The following IFNG variants were observed in gnomAD, a reference collection of about 807,000 sequenced individuals.
IFNG encodes IFN-gamma.
A neutral mutation model predicts 14.4 loss-of-function variants in IFNG; 8 were observed. That is an observed-to-expected ratio of 0.56 (90% CI 0.33 to 1.00). IFNG has a LOEUF of 1.00. IFNG is among the 50% of genes least tolerant of loss of function. The probability of loss-of-function intolerance (pLI) is 0.03; values close to 1 mark genes in which losing one functional copy is unlikely to be tolerated. For missense variants in IFNG, 132 were observed against 194.9 expected (o/e 0.68, Z 1.92); for synonymous variants, 73 against 65.4 (o/e 1.12, Z -0.56).
At chr12:68,158,128 G>A in intron 2 of IFNG, 33 bp from the exon 3 acceptor site, 1 of 1,594,024 alleles carries the variant, frequency 6.3e-7, no homozygotes, top group Non-Finnish European at 8.6e-7. Context: ...AGAGGATGAT[G>A]TGAATTTATC....
At position 68,155,040 on chromosome 12, in the gene IFNG, C is replaced by T; in HGVS notation, c.*313G>A. On this transcript the variant is annotated 3_prime_UTR_variant, in exon 4 of 4. Transcript: ENST00000229135. Reference sequence around the variant, plus strand: ...CACTTATAAGTGTTCATTGTATCATCAAGTGAAATAAACACACAACCCATG... The same window carrying T: ...CACTTATAAGTGTTCATTGTATCATTAAGTGAAATAAACACACAACCCATG... 1 of 173,882 alleles carries T rather than the reference C, an allele frequency of 5.8e-6. No homozygotes were observed. Among genetic ancestry groups the T allele is most frequent in the Non-Finnish European group, 1.2e-5 (1 of 82,496 alleles). 10.8% of individuals were successfully genotyped at this position (173,882 alleles called of 1,614,324 possible).
In IFNG at chr12:68,155,235, G is replaced by T; in HGVS notation, c.*118C>A. 1 of 583,486 alleles carries T rather than the reference G, an allele frequency of 1.7e-6. No homozygotes were observed. Among genetic ancestry groups the T allele is most frequent in the Non-Finnish European group, 2.7e-6 (1 of 365,082 alleles). 36.1% of individuals were successfully genotyped at this position (583,486 alleles called of 1,614,324 possible). On this transcript the variant is annotated 3_prime_UTR_variant, in exon 4 of 4. Transcript: ENST00000229135. ...TATTCATTTTCATTACACAAAAGTTGCTATTATAAATACTTATTTGATTGA... is the reference window on the plus strand; with the variant it reads ...TATTCATTTTCATTACACAAAAGTTTCTATTATAAATACTTATTTGATTGA...
rs1426401337 is a variant in IFNG at position 68,158,200 on chromosome 12, A to G, written c.174T>C (p.Asn58=). Residue 58 remains asparagine (N), a synonymous_variant, in exon 2 of 4, where the codon AAT becomes AAC. Coordinates refer to ENST00000229135, the MANE Select transcript of IFNG (RefSeq NM_000619.3). ...NGTLFLGILK[N]WKEESDRKIM... ...GGAATATTCAGCTTACCTCTTTCCA[A>G]TTCTTCAAAATGCCTAAGAAAAGAG... The G allele has an allele frequency of 1.2e-6, 2 of 1,610,076 alleles. No homozygotes were observed.
rs533767524 is a variant in IFNG, at chr12:68,156,776, C to T, written c.366+1137G>A. ...GACTTATCCAGGACTGAACAGTAAG[C>T]CAGGGGCACCACTGGATTAGAAACA... is the stretch of plus-strand genomic sequence containing the variant. On this transcript the variant is annotated intron_variant, in intron 3 of 3. Coordinates refer to ENST00000229135, the MANE Select transcript of IFNG (RefSeq NM_000619.3). Among the ~76,000 whole-genome samples the T allele has an allele frequency of 2.0e-5, 3 of 152,150 alleles. No individual in the cohort carries two copies. In the South Asian group the frequency reaches 6.3e-4, roughly 32 times the overall value.
chr12:68,157,173 G>C (rs1438500927), intron 3 of IFNG, among the ~76,000 whole-genome samples: 1 of 152,164 alleles, frequency 6.6e-6, no homozygotes, highest in African/African-American at 2.4e-5. Flanking sequence ...AGTTGATAGA[G>C]AGTTGATAGA....
chr12:68,158,002 C>T lies in IFNG; in HGVS notation c.277G>A (p.Val93Met). The T allele has an allele frequency of 1.2e-6, 2 of 1,611,548 alleles. No individual in the cohort carries two copies. Among genetic ancestry groups the T allele is most frequent in the Non-Finnish European group, 1.7e-6 (2 of 1,178,286 alleles). The change falls in exon 3 of 4, where the codon GTG (valine) becomes ATG (methionine). Residue 93 changes from valine to methionine, a missense_variant. Transcript: ENST00000229135. ...FKDDQSIQKS[V>M]ETIKEDMNVK... is the part of the protein sequence containing the mutation. ...TTCATGTCTTCCTTGATGGTCTCCA[C>T]ACTCTTTTGGATGCTCTGGTCATCT...
rs536480927 is a variant in IFNG at position 68,154,958 on chromosome 12, C to T, written c.*395G>A. On this transcript the variant is annotated 3_prime_UTR_variant, in exon 4 of 4. Coordinates refer to ENST00000229135, the MANE Select transcript of IFNG (RefSeq NM_000619.3). ...AGTTCTGTCTGACATGCCATTAAAG[C>T]ACTGGCTCAGATTGCAGGCATATTT... The T allele has an allele frequency of 6.5e-6, 1 of 153,630 alleles. No homozygotes were observed. Among genetic ancestry groups the T allele is most frequent in the East Asian group, 1.9e-4 (1 of 5,350 alleles). The allele number at this position is 153,630 out of a possible 1,614,324, so 9.5% of individuals were successfully genotyped here.
Position 68,159,570 on chromosome 12 carries a change from A to T in IFNG, c.46T>A (p.Leu16Met), listed in dbSNP as rs749298180. 32 of 1,606,754 alleles carry T rather than the reference A, an allele frequency of 2.0e-5. No individual in the cohort carries two copies. The Admixed American group carries it at 4.7e-4, about 24-fold the overall frequency. ...TGGCAGTAACAGCCAAGAGAACCCA[A>T]AACGATGCAGAGCTGAAAAGCCAAG... ...YILAFQLCIVLGSLGCYCQDP... is the reference protein window; with the variant it reads ...YILAFQLCIVMGSLGCYCQDP... Residue 16 changes from leucine (L) to methionine (M), a missense_variant, in exon 1 of 4, where the codon TTG becomes ATG. By Grantham distance (15) the Leu-to-Met change is conservative (BLOSUM62 2). Transcript: ENST00000229135.
In IFNG at chr12:68,155,511, A is replaced by C. The variant is rs771641046; in HGVS notation, c.367-24T>G. ...ACCTATCGGGAAAGAAAAGAGCAAA[A>C]TTAATTTCAGGCATATAAGCCATCA... is the stretch of plus-strand genomic sequence containing the variant. On this transcript the variant is annotated intron_variant, in intron 3 of 3. Coordinates refer to ENST00000229135, the MANE Select transcript of IFNG (RefSeq NM_000619.3). The C allele has an allele frequency of 2.5e-6, 4 of 1,578,974 alleles. No individual in the cohort carries two copies. The South Asian group carries it at 4.7e-5, about 18-fold the overall frequency.
chr12:68,155,906 A>G lies in IFNG; in HGVS notation c.367-419T>C, dbSNP rs121913167. 2.0e-4 allele frequency among the ~76,000 whole-genome samples: 30 copies of G among 152,302 alleles called. 1 individual carries two copies. The South Asian group carries it at 2.3e-3, about 12-fold the overall frequency. ...CCTCTCTATCATCAATCTACCAATT[A>G]TATCACTTTATACTTCAGTCTTTCC... On this transcript the variant is annotated intron_variant, in intron 3 of 3. Transcript: ENST00000229135.
intron 3 of IFNG, 26 bp downstream of exon 3, chr12:68,157,887 C>G (rs766614993): frequency 1.3e-6 from 2 of 1,542,352 alleles, no homozygotes; most frequent in Admixed American, 3.7e-5. Flanking sequence ...GCAATGAAAC[C>G]AAAGAAAGAA....
intron 3 of IFNG, among the ~76,000 whole-genome samples, chr12:68,156,971 G>T (rs1166182046): frequency 6.6e-6 from 1 of 152,110 alleles, no homozygotes; most frequent in Non-Finnish European, 1.5e-5. Context: ...CCTCTCATTT[G>T]AGCCCATTTA....
At chr12:68,158,426 T>C (rs1882634872) in intron 1 of IFNG, among the ~76,000 whole-genome samples, 167 bp from the exon 2 acceptor site, 1 of 152,216 alleles carries the variant, frequency 6.6e-6, no homozygotes, top group African/African-American at 2.4e-5. Flanking sequence ...ATGTGAGATA[T>C]AGACAAAGAC....
chr12:68,158,325 A>G, intron 1 of IFNG, 66 bp from the exon 2 acceptor site: 1 of 1,093,858 alleles, frequency 9.1e-7, no homozygotes, highest in Non-Finnish European at 1.3e-6. Context: ...AATATATTTC[A>G]AGTTTCATTG....
intron 1 of IFNG, among the ~76,000 whole-genome samples, 186 bp downstream of exon 1, chr12:68,159,316 A>G (rs1479420315): frequency 6.6e-6 from 1 of 152,218 alleles, no homozygotes; most frequent in African/African-American, 2.4e-5. Context: ...ATACAAACTG[A>G]GCAGAAGGTT....
chr12:68,157,828 A>C, intron 3 of IFNG, 85 bp downstream of exon 3: 1 of 979,396 alleles, frequency 1.0e-6, no homozygotes, highest in Non-Finnish European at 1.5e-6. Flanking sequence ...GCAACTGTTA[A>C]ATAGCTAATG....
At chr12:68,158,681 A>T (rs1004746993) in intron 1 of IFNG, among the ~76,000 whole-genome samples, 1 of 151,616 alleles carries the variant, frequency 6.6e-6, no homozygotes, top group Non-Finnish European at 1.5e-5. Flanking sequence ...GTATTATTAT[A>T]CGAGCTTTAA....
At chr12:68,158,301 TA>T (rs1565726145) in intron 1 of IFNG, 42 bp from the exon 2 acceptor site, 3 of 1,340,216 alleles carry the variant, frequency 2.2e-6, no homozygotes, top group African/African-American at 1.5e-5. Context: ...AATTAGCCCA[TA>T]AATTGCCTTA....
At chr12:68,158,453 CT>C in intron 1 of IFNG, among the ~76,000 whole-genome samples, 194 bp from the exon 2 acceptor site, 1 of 152,224 alleles carries the variant, frequency 6.6e-6, no homozygotes, top group African/African-American at 2.4e-5. Context: ...GTTCTTTTAG[CT>C]TTTTTATTTC....
Sources: gnomAD v4.1 joint callset for allele counts (sites outside exome capture counted in the v4.1 genomes callset) on GRCh38, gnomAD v4.1.1 for gene constraint, MANE v1.5 for transcripts, NCBI Gene and HGNC (gene_info 2026-07-23, HGNC 2026-07-21) for gene names.